The following SDK1 variants were observed in gnomAD, a reference collection of about 807,000 sequenced individuals.
SDK1 encodes the protein protein sidekick-1.
Under a neutral mutation model 245.5 loss-of-function variants are expected in SDK1, and 157 were observed. The ratio of observed to expected loss-of-function variants is 0.64; its 90% CI spans 0.56 to 0.73. The LOEUF (loss-of-function observed/expected upper bound fraction) is 0.73, where lower values mean the gene tolerates loss of function less well. Ranked by LOEUF, SDK1 falls within the 30% of genes least tolerant of loss-of-function variation. The pLI, the probability that SDK1 is intolerant of heterozygous loss-of-function variation, is 0.00. For synonymous variants in SDK1, 1,647 were observed against 1,278.5 expected, an observed-to-expected ratio of 1.29 and a Z score of -6.15; for missense variants, 3,583 against 3,002.3, an observed-to-expected ratio of 1.19 and a Z score of -4.52.
chr7:3,826,742 G>T (rs891691567), intron 5 of SDK1, among the ~76,000 whole-genome samples: 1 of 152,180 alleles, frequency 6.6e-6, no homozygotes, highest in Non-Finnish European at 1.5e-5. Flanking sequence ...AGTGTCACCT[G>T]GGGCCACCTG....
chr7:4,173,152 C>T (rs984162251), intron 32 of SDK1, among the ~76,000 whole-genome samples: 9 of 152,224 alleles, frequency 5.9e-5, no homozygotes, highest in Admixed American at 1.3e-4. Context: ...CGTCCTCTGA[C>T]GAGGCTTCGT....
At chr7:3,651,809 A>G (rs576891853) in intron 4 of SDK1, among the ~76,000 whole-genome samples, 16 of 152,316 alleles carry the variant, frequency 1.1e-4, no homozygotes, top group African/African-American at 3.1e-4. Flanking sequence ...AGGAACGGCA[A>G]TCAGAAGATA....
At chr7:3,335,007 G>C (rs769055810) in intron 1 of SDK1, among the ~76,000 whole-genome samples, 3 of 151,842 alleles carry the variant, frequency 2.0e-5, no homozygotes, top group Admixed American at 2.0e-4. Flanking sequence ...TTATCACCCT[G>C]AATCCCATTA....
At chr7:3,782,687 T>C (rs1014902863) in intron 4 of SDK1, among the ~76,000 whole-genome samples, 2 of 152,248 alleles carry the variant, frequency 1.3e-5, no homozygotes, top group African/African-American at 4.8e-5. Flanking sequence ...TTTATATTTA[T>C]ATTTTACAAT....
chr7:4,119,665 T>C lies in SDK1; in HGVS notation c.3823+5391T>C, dbSNP rs1309162144. Among the ~76,000 whole-genome samples the C allele has an allele frequency of 2.0e-5, 3 of 149,002 alleles. No individual in the cohort carries two copies. In the East Asian group the frequency reaches 5.8e-4, roughly 29 times the overall value. On this transcript the variant is annotated intron_variant, in intron 25 of 44. Transcript: ENST00000404826. ...ACACAAAAAACTAAAGAAACATGGT[T>C]TCAGGCCAGACCATCTGGGCAATCA...
intron 4 of SDK1, among the ~76,000 whole-genome samples, chr7:3,742,716 T>C (rs1779510844): frequency 1.3e-5 from 2 of 150,042 alleles, no homozygotes; most frequent in African/African-American, 5.1e-5. Flanking sequence ...TTATATACTT[T>C]TTATTCCCTG....
Position 3,376,274 on chromosome 7 carries a change from A to C in SDK1, c.298+74390A>C, listed in dbSNP as rs145370870. On this transcript the variant is annotated intron_variant, in intron 1 of 44. Coordinates refer to ENST00000404826, the MANE Select transcript of SDK1 (RefSeq NM_152744.4). Reference sequence around the variant, plus strand: ...AACCGTTAATTTATTATAAGCCTGAAAAATTTTAAACTTTTGGGGTGGAGA... The same window carrying C: ...AACCGTTAATTTATTATAAGCCTGACAAATTTTAAACTTTTGGGGTGGAGA... 3.0e-4 allele frequency among the ~76,000 whole-genome samples: 45 copies of C among 152,332 alleles called. No homozygotes were observed. In the East Asian group the frequency reaches 5.4e-3, roughly 18 times the overall value.
intron 5 of SDK1, among the ~76,000 whole-genome samples, chr7:3,857,729 A>G (rs1780581848): frequency 1.3e-5 from 2 of 152,172 alleles, no homozygotes; most frequent in East Asian, 1.9e-4. Flanking sequence ...TAAACTGAAT[A>G]TTAGGATTAA....
At chr7:3,891,161 G>C (rs550856028) in intron 5 of SDK1, among the ~76,000 whole-genome samples, 1 of 152,182 alleles carries the variant, frequency 6.6e-6, no homozygotes, top group African/African-American at 2.4e-5. Flanking sequence ...CTGGGAAAGA[G>C]GATGGGGGAG....
At chr7:4,048,619 C>T (rs181395642) in intron 17 of SDK1, among the ~76,000 whole-genome samples, 1 of 152,264 alleles carries the variant, frequency 6.6e-6, no homozygotes, top group Non-Finnish European at 1.5e-5. Context: ...CCCTTCCTCC[C>T]AAACACAGTC....
intron 16 of SDK1, among the ~76,000 whole-genome samples, chr7:4,016,019 G>A (rs1305065550): frequency 6.6e-6 from 1 of 152,154 alleles, no homozygotes; most frequent in Non-Finnish European, 1.5e-5. Flanking sequence ...ACATTTTAGG[G>A]CCTGAATTTC....
chr7:3,717,131 C>CTG (rs1785227036), intron 4 of SDK1, among the ~76,000 whole-genome samples: 2 of 152,098 alleles, frequency 1.3e-5, no homozygotes, highest in South Asian at 4.1e-4. Flanking sequence ...TACAAGTAGG[C>CTG]TGTGATAGGT....
intron 4 of SDK1, among the ~76,000 whole-genome samples, chr7:3,719,477 A>G (rs1263132706): frequency 2.6e-5 from 4 of 152,202 alleles, no homozygotes; most frequent in African/African-American, 9.6e-5. Context: ...CAGAGAACCC[A>G]GAAACAGACC....
intron 1 of SDK1, among the ~76,000 whole-genome samples, chr7:3,319,033 G>C (rs553033751): frequency 3.9e-5 from 6 of 152,132 alleles, no homozygotes; most frequent in Admixed American, 3.3e-4. Context: ...ACATTCATGA[G>C]GGGGGAGTAG....
At chr7:3,490,493 A>T (rs950397982) in intron 1 of SDK1, among the ~76,000 whole-genome samples, 1 of 152,192 alleles carries the variant, frequency 6.6e-6, no homozygotes, top group South Asian at 2.1e-4. Flanking sequence ...TATCATTTTA[A>T]AGATTACCAT....
chr7:3,759,089 C>T (rs899075291), intron 4 of SDK1, among the ~76,000 whole-genome samples: 7 of 152,154 alleles, frequency 4.6e-5, no homozygotes, highest in Middle Eastern at 3.2e-3. Context: ...GGATTGCTGA[C>T]GTGTATCCTG....
At chr7:3,307,545 G>A (rs1276111651) in intron 1 of SDK1, among the ~76,000 whole-genome samples, 1 of 152,166 alleles carries the variant, frequency 6.6e-6, no homozygotes, top group Non-Finnish European at 1.5e-5. Context: ...TTGCTGTAGG[G>A]AACCCTTGTT....
At chr7:4,155,944 C>T (rs1267164031) in intron 30 of SDK1, among the ~76,000 whole-genome samples, 1 of 152,200 alleles carries the variant, frequency 6.6e-6, no homozygotes, top group African/African-American at 2.4e-5. Context: ...CGGGGGACAG[C>T]AGGCAGGGCC....
intron 1 of SDK1, among the ~76,000 whole-genome samples, chr7:3,482,705 C>T (rs1247652428): frequency 6.6e-6 from 1 of 152,104 alleles, no homozygotes; most frequent in African/African-American, 2.4e-5. Context: ...AGTTGTGTAC[C>T]CAGGCAACTG....
Sources: allele counts gnomAD v4.1 joint callset (sites outside exome capture counted in the v4.1 genomes callset), GRCh38; gene constraint gnomAD v4.1.1; transcripts MANE v1.5; gene names NCBI Gene and HGNC (gene_info 2026-07-23, HGNC 2026-07-21).